Variants in KCNJ12 observed in about 807,000 individuals in gnomAD.
The protein encoded by KCNJ12 is potassium inwardly rectifying channel subfamily J member 12, also known as ATP-sensitive inward rectifier potassium channel 12.
Under a neutral mutation model 22.3 loss-of-function variants are expected in KCNJ12, and 2 were observed. The ratio of observed to expected loss-of-function variants is 0.09; its 90% CI spans 0.04 to 0.28. The LOEUF is 0.28. Among genes scored for constraint, KCNJ12 ranks in the 10% least tolerant of loss-of-function variants. The pLI, the probability that KCNJ12 is intolerant of heterozygous loss-of-function variation, is 1.00. For missense variants in KCNJ12, 155 were observed against 633.3 expected, an observed-to-expected ratio of 0.24 and a Z score of 8.11; for synonymous variants, 117 against 261.4, an observed-to-expected ratio of 0.45 and a Z score of 5.33.
chr17:21,390,613 G>C (rs369408462), intron 1 of KCNJ12, among the ~76,000 whole-genome samples: 2 of 152,298 alleles, frequency 1.3e-5, no homozygotes, highest in East Asian at 3.9e-4. Context: ...AGCATTTCTG[G>C]TTTTCTTTCT....
chr17:21,398,061 G>A (rs1246177420), intron 1 of KCNJ12, among the ~76,000 whole-genome samples: 1 of 152,066 alleles, frequency 6.6e-6, no homozygotes, highest in Non-Finnish European at 1.5e-5. Flanking sequence ...GCCAGGGCTG[G>A]GTGAGGGACA....
In KCNJ12 at chr17:21,384,978, T is replaced by C. The variant is rs933110259; in HGVS notation, c.-179+8065T>C. ...TTTTAGTAGAGACGGGGTTTCACCG[T>C]GTTAGCCAGGATGGTCTCGATCTCC... On this transcript the variant is annotated intron_variant, in intron 1 of 2. Transcript: ENST00000583088. Among the ~76,000 whole-genome samples the C allele has an allele frequency of 5.9e-5, 9 of 152,098 alleles. No individual in the cohort carries two copies. In the South Asian group the frequency reaches 1.0e-3, roughly 18 times the overall value.
chr17:21,403,658 G>A (rs1905762147), intron 1 of KCNJ12, among the ~76,000 whole-genome samples: 1 of 152,276 alleles, frequency 6.6e-6, no homozygotes, highest in African/African-American at 2.4e-5. Context: ...AGGCCCTAAA[G>A]GGGCCTGTGA....
chr17:21,390,608 T>A (rs1378890580), intron 1 of KCNJ12, among the ~76,000 whole-genome samples: 3 of 152,102 alleles, frequency 2.0e-5, no homozygotes, highest in Non-Finnish European at 2.9e-5. Flanking sequence ...GCAGCAGCAT[T>A]TCTGGTTTTC....
intron 1 of KCNJ12, among the ~76,000 whole-genome samples, chr17:21,386,839 G>T (rs1174195487): frequency 6.6e-6 from 1 of 151,894 alleles, no homozygotes; most frequent in South Asian, 2.1e-4. Context: ...ATTGGATTCA[G>T]GGCCCACCCT....
chr17:21,402,595 C>T (rs1229118940), intron 1 of KCNJ12, among the ~76,000 whole-genome samples: 1 of 152,312 alleles, frequency 6.6e-6, no homozygotes, highest in Non-Finnish European at 1.5e-5. Context: ...CAGCCTCCTG[C>T]CCATGGTAGG....
At chr17:21,404,254 C>G (rs1487784864) in intron 1 of KCNJ12, among the ~76,000 whole-genome samples, 1 of 152,300 alleles carries the variant, frequency 6.6e-6, no homozygotes. Flanking sequence ...ACCAAGACTG[C>G]AGGACTCTGG....
rs530030212 is a variant in KCNJ12, at chr17:21,395,450, C to T, written c.-178-13069C>T. Among the ~76,000 whole-genome samples, 5 of 150,478 alleles carry T rather than the reference C, an allele frequency of 3.3e-5. No homozygotes were observed. The South Asian group carries it at 8.4e-4, about 25-fold the overall frequency. The stretch of plus-strand genomic sequence containing the variant: ...TCTCTACTAAAAATACAAAAATTAG[C>T]CGGGCATAGTGAAACCCACCTCTGG... On this transcript the variant is annotated intron_variant, in intron 1 of 2. Coordinates refer to ENST00000583088, the MANE Select transcript of KCNJ12 (RefSeq NM_021012.5).
At chr17:21,407,755 T>TCATCCATCCATC (rs1240756282) in intron 1 of KCNJ12, among the ~76,000 whole-genome samples, 22 of 148,856 alleles carry the variant, frequency 1.5e-4, no homozygotes, top group Non-Finnish European at 2.2e-4. Context: ...ATCCATCCAT[T>TCATCCATCCATC]CATCCATCCA....
intron 1 of KCNJ12, among the ~76,000 whole-genome samples, chr17:21,379,422 A>G (rs1904787332): frequency 6.6e-6 from 1 of 152,156 alleles, no homozygotes; most frequent in Non-Finnish European, 1.5e-5. Context: ...TCCCAGGCCC[A>G]GCTCTGGGCT....
chr17:21,410,038 C>T (rs1314545506), intron 2 of KCNJ12, among the ~76,000 whole-genome samples: 2 of 152,294 alleles, frequency 1.3e-5, no homozygotes, highest in East Asian at 3.9e-4. Context: ...CTCCCTCTCC[C>T]CTCCACACCA....
In KCNJ12 at chr17:21,376,592, A is replaced by T. The variant is rs1265636555; in HGVS notation, c.-500A>T. The T allele has an allele frequency of 1.3e-5, 2 of 150,718 alleles. No individual in the cohort carries two copies. Among genetic ancestry groups the T allele is most frequent in the Non-Finnish European group, 3.0e-5 (2 of 67,618 alleles). The allele number at this position is 150,718 out of a possible 1,614,324, so 9.3% of individuals were successfully genotyped here. A position where few individuals can be genotyped will look rare whatever the true frequency, so the allele number is the denominator to read the frequency against. On this transcript the variant is annotated 5_prime_UTR_variant, in exon 1 of 3. Transcript: ENST00000583088. This position sits in a 1 kb window ranked among gnomAD's most constrained non-coding sequence, Gnocchi z 5.3. Reference sequence around the variant, plus strand: ...GGGAGCGCGCCGGGCCCTGCCCGAGATCAGATAACAGCCGGCGGGGGAGGG... The same window carrying T: ...GGGAGCGCGCCGGGCCCTGCCCGAGTTCAGATAACAGCCGGCGGGGGAGGG...
At chr17:21,411,570 C>T (rs1906352248) in intron 2 of KCNJ12, among the ~76,000 whole-genome samples, 1 of 152,424 alleles carries the variant, frequency 6.6e-6, no homozygotes, top group African/African-American at 2.4e-5. Flanking sequence ...ACGGTCCTAC[C>T]TTTAGTAGTG....
In KCNJ12 at chr17:21,418,175, G is replaced by T. The variant is rs1906952293; in HGVS notation, c.*1531G>T. The T allele has an allele frequency of 6.0e-6, 1 of 167,014 alleles. No homozygotes were observed. The highest frequency in any genetic ancestry group is 1.5e-5 in the Non-Finnish European group (1 of 68,160). The allele number at this position is 167,014 out of a possible 1,614,324, so 10.3% of individuals were successfully genotyped here. ...TGGCAGCTGGTTGGGTCAGGTCCAT[G>T]GTAGAGCCAGGCCCTTCCCAGGGCT... On this transcript the variant is annotated 3_prime_UTR_variant, in exon 3 of 3. Transcript: ENST00000583088.
At chr17:21,414,735 G>A (rs1906591273) in intron 2 of KCNJ12, among the ~76,000 whole-genome samples, 3 of 152,312 alleles carry the variant, frequency 2.0e-5, no homozygotes, top group Non-Finnish European at 4.4e-5. Flanking sequence ...GTGGGTTTGA[G>A]GGACAGCCTG....
chr17:21,412,655 C>T (rs1906430663), intron 2 of KCNJ12, among the ~76,000 whole-genome samples: 1 of 152,420 alleles, frequency 6.6e-6, no homozygotes, highest in Admixed American at 6.5e-5. Context: ...CGGCTCCCTA[C>T]TTCCAGGCCC....
chr17:21,412,037 C>G (rs1906382529), intron 2 of KCNJ12, among the ~76,000 whole-genome samples: 1 of 152,310 alleles, frequency 6.6e-6, no homozygotes, highest in Non-Finnish European at 1.5e-5. Context: ...CTCACACACA[C>G]ACACACGCAC....
chr17:21,403,958 C>T (rs1317884917), intron 1 of KCNJ12, among the ~76,000 whole-genome samples: 863 of 152,370 alleles, frequency 5.7e-3, no homozygotes, highest in African/African-American at 0.019. Context: ...CCTTGGGCTC[C>T]CCATTGCCTT....
intron 2 of KCNJ12, among the ~76,000 whole-genome samples, chr17:21,410,913 G>A (rs1230918266): frequency 2.0e-5 from 3 of 152,308 alleles, no homozygotes; most frequent in Non-Finnish European, 2.9e-5. Flanking sequence ...AGAAGAGCAC[G>A]TGGCAGGTAG....
Sources: gnomAD v4.1 joint callset for allele counts (sites outside exome capture counted in the v4.1 genomes callset) on GRCh38, gnomAD v4.1.1 for gene constraint, Gnocchi (gnomAD v3.1) non-coding constraint, MANE v1.5 for transcripts, NCBI Gene and HGNC (gene_info 2026-07-23, HGNC 2026-07-21) for gene names.